Variants in FLNB observed in about 807,000 individuals in gnomAD.
FLNB encodes filamin-B.
A neutral mutation model predicts 250.6 loss-of-function variants in FLNB; 111 were observed. The ratio of observed to expected loss-of-function variants is 0.44; its 90% CI spans 0.38 to 0.52. FLNB has a LOEUF of 0.52. Ranked by LOEUF, FLNB falls within the 20% of genes least tolerant of loss-of-function variation. The pLI is 0.00. For missense variants in FLNB, 2,869 were observed against 3,447.8 expected (o/e 0.83, Z 4.20); for synonymous variants, 1,302 against 1,372.1 (o/e 0.95, Z 1.13).
rs1266538760 is a variant in FLNB, at chr3:58,109,318, A to G, written c.2195A>G (p.Tyr732Cys). Residue 732 changes from tyrosine (Y) to cysteine (C), a missense_variant, in exon 14 of 46, where the codon TAC (tyrosine) becomes TGC (cysteine). By Grantham distance (194) the Tyr-to-Cys change is radical. Around this residue, in one of 5 missense-constraint regions of FLNB, gnomAD observed 1,348 missense variants for 1,466.7 expected, o/e 0.92. Transcript: ENST00000295956. Reference protein sequence around the residue: ...WGGVNIPHSPYRVNIGQGSHP... With the variant: ...WGGVNIPHSPCRVNIGQGSHP... Reference sequence around the variant, plus strand: ...GGCGTGAACATCCCGCACAGCCCCTACAGGGTAGGTTGTGAGGCAGAATCC... The same window carrying G: ...GGCGTGAACATCCCGCACAGCCCCTGCAGGGTAGGTTGTGAGGCAGAATCC... 6.8e-6 allele frequency: 11 copies of G among 1,613,376 alleles called. No individual in the cohort carries two copies. The highest frequency in any genetic ancestry group is 2.2e-5 in the South Asian group (2 of 90,910).
intron 18 of FLNB, among the ~76,000 whole-genome samples, chr3:58,118,193 A>G (rs1180032283): frequency 6.6e-6 from 1 of 152,256 alleles, no homozygotes; most frequent in Non-Finnish European, 1.5e-5. Context: ...CAATCCTGCA[A>G]GCACCATCTG....
chr3:58,047,322 A>G (rs2097155669), intron 1 of FLNB, among the ~76,000 whole-genome samples: 1 of 152,156 alleles, frequency 6.6e-6, no homozygotes, highest in Admixed American at 6.5e-5. Flanking sequence ...TTTTCATTTT[A>G]GCAATAATGT....
chr3:58,036,363 CAG>C (rs2106780451), intron 1 of FLNB, among the ~76,000 whole-genome samples: 1 of 152,260 alleles, frequency 6.6e-6, no homozygotes, highest in Non-Finnish European at 1.5e-5. Context: ...CATTTGGGAT[CAG>C]AGTTTTTAAA....
At position 58,138,411 on chromosome 3, in the gene FLNB, T is replaced by C; in HGVS notation, c.4991T>C (p.Val1664Ala). The C allele has an allele frequency of 1.2e-6, 2 of 1,614,218 alleles. No homozygotes were observed. The highest frequency in any genetic ancestry group is 1.7e-6 in the Non-Finnish European group (2 of 1,180,030). Reference protein sequence around the residue: ...TPDGTEAEADVIENEDGTYDI... With the variant: ...TPDGTEAEADAIENEDGTYDI... ...GATGGCACTGAGGCCGAGGCCGATG[T>C]CATTGAGAATGAAGATGGAACCTAT... Residue 1664 changes from valine (V) to alanine (A), a missense_variant, in exon 29 of 46, where the codon GTC becomes GCC. Val to Ala is a moderately conservative substitution (Grantham distance 64). Around this residue, in one of 5 missense-constraint regions of FLNB, gnomAD observed 1,084 missense variants for 1,315.5 expected, o/e 0.82. Coordinates refer to ENST00000295956, the MANE Select transcript of FLNB (RefSeq NM_001457.4).
intron 1 of FLNB, among the ~76,000 whole-genome samples, chr3:58,070,656 CTCTCTT>C (rs796728327): frequency 1.1e-4 from 16 of 143,978 alleles, no homozygotes; most frequent in South Asian, 4.3e-4. Flanking sequence ...CTCTCTCTCT[CTCTCTT>C]TTTTTTTTTT....
At chr3:58,149,701 C>T (rs1575461162) in intron 36 of FLNB, 149 bp from the exon 37 acceptor site, 1 of 948,326 alleles carries the variant, frequency 1.1e-6, no homozygotes, top group East Asian at 2.6e-5. Context: ...TCATCCCCCT[C>T]TGGGCTTTGC....
chr3:58,010,539 G>A (rs1269297408), intron 1 of FLNB, among the ~76,000 whole-genome samples: 1 of 152,174 alleles, frequency 6.6e-6, no homozygotes, highest in African/African-American at 2.4e-5. Context: ...CCTGTACTGG[G>A]GAGGGAGAAC....
rs190021245 is a variant in FLNB, at chr3:58,023,663, G to A, written c.292+14807G>A. Among the ~76,000 whole-genome samples, 27 of 152,284 alleles carry A rather than the reference G, an allele frequency of 1.8e-4. 1 individual carries two copies. In the East Asian group the frequency reaches 3.9e-3, roughly 22 times the overall value. On this transcript the variant is annotated intron_variant, in intron 1 of 45. Transcript: ENST00000295956. ...CATACTGATGGTTATAACAAGATTC[G>A]TCTTCAATTGAGTTATTGCTGAGCT...
chr3:58,026,713 TC>T (rs2097124121), intron 1 of FLNB, among the ~76,000 whole-genome samples: 1 of 152,082 alleles, frequency 6.6e-6, no homozygotes, highest in African/African-American at 2.4e-5. Flanking sequence ...ACCGTGTACT[TC>T]CCCCAGTTAC....
At chr3:58,148,972 G>T (rs2097340453) in intron 36 of FLNB, 120 bp downstream of exon 36, 1 of 892,028 alleles carries the variant, frequency 1.1e-6, no homozygotes, top group South Asian at 1.4e-5. Flanking sequence ...TCAAGCTATA[G>T]GTCCTTCTGC....
chr3:58,169,480 G>T lies in FLNB; in HGVS notation c.7418-110G>T, dbSNP rs1246447807. On this transcript the variant is annotated intron_variant, in intron 44 of 45. Coordinates refer to ENST00000295956, the MANE Select transcript of FLNB (RefSeq NM_001457.4). This position sits in a 1 kb window ranked among gnomAD's most constrained non-coding sequence, Gnocchi z 4.8. ...CAGGTGTGGTGGCTTTTGTGTTGGGGTGCGCGGGCTCTCCTGGGGTTACTG... is the reference window on the plus strand; with the variant it reads ...CAGGTGTGGTGGCTTTTGTGTTGGGTTGCGCGGGCTCTCCTGGGGTTACTG... 7 of 841,952 alleles carry T rather than the reference G, an allele frequency of 8.3e-6. No individual in the cohort carries two copies. The highest frequency in any genetic ancestry group is 5.4e-5 in the South Asian group (4 of 74,666). The allele number at this position is 841,952 out of a possible 1,614,324, so 52.2% of individuals were successfully genotyped here. A position where few individuals can be genotyped will look rare whatever the true frequency, so the allele number is the denominator to read the frequency against.
Position 58,077,196 on chromosome 3 carries a change from G to A in FLNB, c.443G>A (p.Trp148Ter). 1 of 1,614,132 alleles carries A rather than the reference G, an allele frequency of 6.2e-7. No homozygotes were observed. The highest frequency in any genetic ancestry group is 8.5e-7 in the Non-Finnish European group (1 of 1,180,014). The change falls in exon 2 of 46, where the codon TGG (tryptophan) becomes TAG (stop). Residue 148 changes from tryptophan (W) to a stop codon, truncating the protein, a stop_gained. Coordinates refer to ENST00000295956, the MANE Select transcript of FLNB (RefSeq NM_001457.4). LOFTEE classifies it high-confidence loss of function. ...KQTPKQRLLGWIQNKIPYLPI... is the reference protein window; with the variant it reads ...KQTPKQRLLG ...ACGCCAAAGCAGAGGCTGCTGGGGT[G>A]GATTCAGAACAAGATCCCCTACTTG...
intron 1 of FLNB, among the ~76,000 whole-genome samples, chr3:58,073,060 A>T (rs1291306640): frequency 6.6e-6 from 1 of 152,154 alleles, no homozygotes; most frequent in Admixed American, 6.5e-5. Flanking sequence ...GCCGGATGAG[A>T]CTTCATAGCT....
At chr3:58,016,142 C>A (rs146738953) in intron 1 of FLNB, among the ~76,000 whole-genome samples, 4,322 of 151,618 alleles carry the variant, frequency 0.029, 206 homozygotes, top group African/African-American at 0.099. Flanking sequence ...TCACTGCAGC[C>A]TCCATCTCCC....
intron 6 of FLNB, 128 bp downstream of exon 6, chr3:58,096,346 G>T (rs2097238535): frequency 1.4e-6 from 1 of 738,300 alleles, no homozygotes; most frequent in African/African-American, 1.7e-5. Context: ...AAGGATCTAT[G>T]CTCATGATAG....
chr3:58,052,073 G>C (rs1181555756), intron 1 of FLNB, among the ~76,000 whole-genome samples: 1 of 152,124 alleles, frequency 6.6e-6, no homozygotes, highest in Non-Finnish European at 1.5e-5. Flanking sequence ...TTTTACTAGA[G>C]ACAGGGTTTC....
chr3:58,147,138 T>C (rs2097337055), intron 34 of FLNB, 145 bp downstream of exon 34: 1 of 770,394 alleles, frequency 1.3e-6, no homozygotes, highest in Non-Finnish European at 2.1e-6. Flanking sequence ...GAGCAGGGGA[T>C]GGAATGCAAT....
At chr3:58,136,260 T>A (rs1391040413) in intron 28 of FLNB, 92 bp downstream of exon 28, 12 of 1,269,174 alleles carry the variant, frequency 9.5e-6, no homozygotes, top group Non-Finnish European at 1.2e-5. Context: ...AGCTACATGA[T>A]CTGGGCACGT....
chr3:58,047,323 G>T, intron 1 of FLNB, among the ~76,000 whole-genome samples: 1 of 151,998 alleles, frequency 6.6e-6, no homozygotes, highest in East Asian at 1.9e-4. Context: ...TTTCATTTTA[G>T]CAATAATGTT....
Sources: gnomAD v4.1 joint callset for allele counts (sites outside exome capture counted in the v4.1 genomes callset) on GRCh38, gnomAD v4.1.1 for gene constraint, gnomAD v4.1.1 regional missense constraint, Gnocchi (gnomAD v3.1) non-coding constraint, MANE v1.5 for transcripts, NCBI Gene and HGNC (gene_info 2026-07-23, HGNC 2026-07-21) for gene names.